Variants in DLG1 observed in about 807,000 individuals in gnomAD.
DLG1 encodes the protein discs large MAGUK scaffold protein 1, also known as disks large homolog 1.
DLG1 carries 42 observed loss-of-function variants against 123.4 expected under a neutral mutation model. That is an observed-to-expected ratio of 0.34 (90% CI 0.27 to 0.44). DLG1 has a LOEUF of 0.44. Among genes scored for constraint, DLG1 ranks in the 20% least tolerant of loss-of-function variants. DLG1 has a pLI of 1.00. For missense variants in DLG1, 942 were observed against 1,082.6 expected, an observed-to-expected ratio of 0.87 and a Z score of 1.82; for synonymous variants, 317 against 356.2, an observed-to-expected ratio of 0.89 and a Z score of 1.24.
At chr3:197,183,862 G>T in intron 5 of DLG1, 1 of 1,526,592 alleles carries the variant, frequency 6.6e-7, no homozygotes, top group Non-Finnish European at 8.8e-7. Flanking sequence ...ACCAGCTGCT[G>T]AGTGGTGAAT....
At chr3:197,117,750 G>T (rs1774097862) in intron 12 of DLG1, among the ~76,000 whole-genome samples, 1 of 152,082 alleles carries the variant, frequency 6.6e-6, no homozygotes, top group African/African-American at 2.4e-5. Flanking sequence ...AATAGTGAAG[G>T]GTTCCGAAAA....
At chr3:197,276,336 C>A (rs1275172018) in intron 4 of DLG1, among the ~76,000 whole-genome samples, 2 of 152,232 alleles carry the variant, frequency 1.3e-5, no homozygotes, top group Admixed American at 1.3e-4. Context: ...GGAGCATATG[C>A]TGGATCAAAC....
At chr3:197,293,725 T>G (rs186368556) in intron 3 of DLG1, among the ~76,000 whole-genome samples, 2 of 151,814 alleles carry the variant, frequency 1.3e-5, no homozygotes, top group South Asian at 4.2e-4. Context: ...CCAAAGACAC[T>G]TGGCACCCCA....
chr3:197,201,314 G>A (rs772499735), intron 4 of DLG1, among the ~76,000 whole-genome samples: 13 of 152,220 alleles, frequency 8.5e-5, no homozygotes, highest in Non-Finnish European at 1.9e-4. Flanking sequence ...AACCCGGGAG[G>A]CGGAGCTTGC....
chr3:197,121,751 T>G (rs1012835489), intron 11 of DLG1, among the ~76,000 whole-genome samples: 6 of 150,888 alleles, frequency 4.0e-5, no homozygotes, highest in Admixed American at 3.3e-4. Context: ...TGTTTTCCAA[T>G]TTTGACATCT....
intron 4 of DLG1, among the ~76,000 whole-genome samples, chr3:197,255,995 G>A (rs145475330): frequency 1.1e-3 from 162 of 152,202 alleles, no homozygotes; most frequent in African/African-American, 3.8e-3. Context: ...TCTGCAAATG[G>A]CCAATAAACA....
At chr3:197,078,437 C>A (rs1336971087) in intron 17 of DLG1, 1 of 151,768 alleles carries the variant, frequency 6.6e-6, no homozygotes, top group Non-Finnish European at 1.5e-5. Context: ...TTCATTTTTA[C>A]CTTTTCATAT....
intron 5 of DLG1, among the ~76,000 whole-genome samples, chr3:197,160,056 T>C (rs546148562): frequency 6.6e-6 from 1 of 152,306 alleles, no homozygotes; most frequent in African/African-American, 2.4e-5. Context: ...TAAATGGAAG[T>C]GCGCTGTGGT....
At chr3:197,189,515 G>C (rs1379207870) in intron 5 of DLG1, among the ~76,000 whole-genome samples, 1 of 152,158 alleles carries the variant, frequency 6.6e-6, no homozygotes, top group African/African-American at 2.4e-5. Flanking sequence ...TTGCAAATAT[G>C]AATCAGACAG....
intron 4 of DLG1, among the ~76,000 whole-genome samples, chr3:197,270,845 G>A (rs999757740): frequency 2.2e-4 from 33 of 152,108 alleles, no homozygotes; most frequent in South Asian, 6.2e-4. Flanking sequence ...TACCAAAAAC[G>A]AGTCTCATCA....
intron 4 of DLG1, among the ~76,000 whole-genome samples, chr3:197,213,092 G>A (rs1315770213): frequency 1.1e-4 from 16 of 152,090 alleles, no homozygotes; most frequent in Admixed American, 7.9e-4. Context: ...AAAAATATAT[G>A]TCCACACAAA....
chr3:197,154,007 T>C (rs73086519), intron 5 of DLG1, among the ~76,000 whole-genome samples: 2,438 of 152,192 alleles, frequency 0.016, 69 homozygotes, highest in African/African-American at 0.054. Context: ...AAACTGTTCC[T>C]TAAAAAAAAA....
At chr3:197,174,890 C>T (rs868842345) in intron 5 of DLG1, among the ~76,000 whole-genome samples, 3 of 152,296 alleles carry the variant, frequency 2.0e-5, no homozygotes, top group African/African-American at 4.8e-5. Flanking sequence ...CATTTGGTTC[C>T]ACTCTGTCAC....
chr3:197,224,952 T>C (rs945150821), intron 4 of DLG1, among the ~76,000 whole-genome samples: 1 of 151,920 alleles, frequency 6.6e-6, no homozygotes, highest in Non-Finnish European at 1.5e-5. Flanking sequence ...AAACCACATG[T>C]TGTTTTTATT....
rs560388257 is a variant in DLG1, at chr3:197,251,377, G to A, written c.318+31302C>T. The stretch of plus-strand genomic sequence containing the variant: ...CAAAGAACAAAGCTGGAGGCATCAC[G>A]CTACTTGACTTCAAATTTACTACAA... On this transcript the variant is annotated intron_variant, in intron 4 of 24. Transcript: ENST00000667157. Among the ~76,000 whole-genome samples, 31 of 152,162 alleles carry A rather than the reference G, an allele frequency of 2.0e-4. No homozygotes were observed. In the South Asian group the frequency reaches 5.8e-3, roughly 29 times the overall value.
chr3:197,107,887 T>C (rs1353046583), intron 13 of DLG1, among the ~76,000 whole-genome samples: 1 of 152,070 alleles, frequency 6.6e-6, no homozygotes, highest in Non-Finnish European at 1.5e-5. Context: ...TACCCTTGTC[T>C]TGTTCCTGAT....
At chr3:197,214,365 G>C (rs764100724) in intron 4 of DLG1, among the ~76,000 whole-genome samples, 4 of 152,090 alleles carry the variant, frequency 2.6e-5, no homozygotes, top group Non-Finnish European at 5.9e-5. Flanking sequence ...ATGAGGTCAG[G>C]AGATTGAGAC....
At chr3:197,071,238 G>A (rs942022530) in intron 18 of DLG1, among the ~76,000 whole-genome samples, 1 of 152,128 alleles carries the variant, frequency 6.6e-6, no homozygotes, top group African/African-American at 2.4e-5. Context: ...GGAGGGGAGT[G>A]TAAGTGGGAG....
rs199907948 is a variant in DLG1 at position 197,067,551 on chromosome 3, G to GTTTTTTTTTTT, written c.2048-808_2048-798dup. On this transcript the variant is annotated intron_variant, in intron 19 of 24. Transcript: ENST00000667157. ...AAATAAATAGTTAAAAACTCTGAGA[G>GTTTTTTTTTTT]TTTTTTTTTTTTTTTTTTTTTTTGA... Among the ~76,000 whole-genome samples the GTTTTTTTTTTT allele has an allele frequency of 1.9e-5, 2 of 107,380 alleles. 1 individual carries two copies. 70.4% of individuals were successfully genotyped at this position (107,380 alleles called of 152,430 possible). A position where few individuals can be genotyped will look rare whatever the true frequency, so the allele number is the denominator to read the frequency against.
Sources: allele counts gnomAD v4.1 joint callset (sites outside exome capture counted in the v4.1 genomes callset), GRCh38; gene constraint gnomAD v4.1.1; transcripts MANE v1.5; gene names NCBI Gene and HGNC (gene_info 2026-07-23, HGNC 2026-07-21).